The following MYO6 variants were observed in gnomAD, a reference collection of about 807,000 sequenced individuals.
MYO6 encodes unconventional myosin-VI.
A neutral mutation model predicts 178.7 loss-of-function variants in MYO6; 74 were observed. The observed-to-expected ratio is 0.41, with a 90% CI of 0.34 to 0.50. The LOEUF (loss-of-function observed/expected upper bound fraction) is 0.50, where lower values mean the gene tolerates loss of function less well. Among genes scored for constraint, MYO6 ranks in the 20% least tolerant of loss-of-function variants. The pLI is 0.09. For missense variants in MYO6, 1,330 were observed against 1,547.4 expected (o/e 0.86, Z 2.36); for synonymous variants, 477 against 504.6 (o/e 0.95, Z 0.73).
chr6:75,799,822 G>C lies in MYO6; in HGVS notation c.-47-17679G>C, dbSNP rs547109200. ...AACTTTACCCATGTTACAGTGCTTT[G>C]GGATAGAAGCATAGCACTGCTTCTC... On this transcript the variant is annotated intron_variant, in intron 1 of 34. Coordinates refer to ENST00000369977, the MANE Select transcript of MYO6 (RefSeq NM_004999.4). Among the ~76,000 whole-genome samples, 127 of 152,184 alleles carry C rather than the reference G, an allele frequency of 8.3e-4. 1 individual carries two copies. Among genetic ancestry groups the C allele is most frequent in the Non-Finnish European group, 1.4e-3 (95 of 68,006 alleles).
intron 1 of MYO6, among the ~76,000 whole-genome samples, chr6:75,766,143 C>A (rs138348866): frequency 6.6e-6 from 1 of 151,958 alleles, no homozygotes; most frequent in South Asian, 2.1e-4. Context: ...GCCAACATGG[C>A]GAAACCCCGT....
intron 23 of MYO6, 131 bp downstream of exon 23, chr6:75,881,949 C>T (rs1321908991): frequency 1.2e-5 from 12 of 1,021,054 alleles, no homozygotes; most frequent in Admixed American, 4.0e-5. Context: ...TCCCAGGTTC[C>T]TATTTGTAGA....
At chr6:75,912,882 A>T (rs1349249303) in intron 33 of MYO6, among the ~76,000 whole-genome samples, 2 of 152,154 alleles carry the variant, frequency 1.3e-5, no homozygotes, top group African/African-American at 4.8e-5. Context: ...CTTCATAGGG[A>T]TATATAGCTT....
chr6:75,804,629 T>C (rs144572973), intron 1 of MYO6, among the ~76,000 whole-genome samples: 1 of 152,180 alleles, frequency 6.6e-6, no homozygotes, highest in African/African-American at 2.4e-5. Context: ...AGATACCTTG[T>C]CTCTTTTTGC....
At chr6:75,835,849 A>T in intron 6 of MYO6, 52 bp from the exon 7 acceptor site, 1 of 1,030,954 alleles carries the variant, frequency 9.7e-7, no homozygotes, top group Non-Finnish European at 1.5e-6. Flanking sequence ...ATTATAAATT[A>T]TTGTACACCA....
At chr6:75,894,358 T>C (rs1362596633) in intron 28 of MYO6, among the ~76,000 whole-genome samples, 1 of 152,156 alleles carries the variant, frequency 6.6e-6, no homozygotes, top group Non-Finnish European at 1.5e-5. Flanking sequence ...TGAGGAGATA[T>C]TCAAACCCTT....
intron 1 of MYO6, among the ~76,000 whole-genome samples, chr6:75,808,170 C>G (rs1257269950): frequency 1.3e-5 from 2 of 152,174 alleles, no homozygotes; most frequent in Non-Finnish European, 2.9e-5. Flanking sequence ...GTAGACTGCT[C>G]AGGCTGCCGT....
intron 1 of MYO6, among the ~76,000 whole-genome samples, chr6:75,763,120 G>A (rs1199525189): frequency 6.6e-6 from 1 of 151,010 alleles, no homozygotes; most frequent in South Asian, 2.1e-4. Context: ...TCCACCGTCC[G>A]AGATCAAGCG....
chr6:75,761,626 C>CACACAG (rs1381359027), intron 1 of MYO6, among the ~76,000 whole-genome samples: 1 of 150,990 alleles, frequency 6.6e-6, no homozygotes, highest in African/African-American at 2.4e-5. Flanking sequence ...CACACACACA[C>CACACAG]AGACACATTT....
intron 1 of MYO6, among the ~76,000 whole-genome samples, chr6:75,765,860 C>T (rs1303920668): frequency 1.3e-5 from 2 of 151,972 alleles, no homozygotes; most frequent in African/African-American, 4.8e-5. Flanking sequence ...AACCTCTCTA[C>T]TAAGAATAAA....
intron 30 of MYO6, among the ~76,000 whole-genome samples, chr6:75,907,049 TG>T (rs1429305511): frequency 1.3e-5 from 2 of 152,178 alleles, no homozygotes; most frequent in Non-Finnish European, 2.9e-5. Flanking sequence ...TCTAATGCAG[TG>T]GGTTGCAGGT....
chr6:75,914,715 T>G lies in MYO6; in HGVS notation c.3659-98T>G. 4 of 1,184,716 alleles carry G rather than the reference T, an allele frequency of 3.4e-6. No individual in the cohort carries two copies. The South Asian group carries it at 3.9e-5, about 12-fold the overall frequency. The allele number at this position is 1,184,716 out of a possible 1,614,324, so 73.4% of individuals were successfully genotyped here. A position where few individuals can be genotyped will look rare whatever the true frequency, so the allele number is the denominator to read the frequency against. On this transcript the variant is annotated intron_variant, in intron 34 of 34. Coordinates refer to ENST00000369977, the MANE Select transcript of MYO6 (RefSeq NM_004999.4). ...TTAGAGAAAAAGTCTTAGGAAGTTT[T>G]CAAATCTATGAGAATTAATAGGTAT...
chr6:75,884,179 G>T (rs1778250665), intron 23 of MYO6, among the ~76,000 whole-genome samples: 1 of 152,102 alleles, frequency 6.6e-6, no homozygotes, highest in Non-Finnish European at 1.5e-5. Context: ...TTTGCAGAAT[G>T]TTAATAGGAA....
At chr6:75,851,245 A>G (rs925781498) in intron 11 of MYO6, among the ~76,000 whole-genome samples, 2 of 152,144 alleles carry the variant, frequency 1.3e-5, no homozygotes, top group African/African-American at 2.4e-5. Context: ...AGGTAATGCT[A>G]TTTGCGTTAT....
chr6:75,856,580 T>G (rs1054857388), intron 12 of MYO6, among the ~76,000 whole-genome samples: 12 of 152,000 alleles, frequency 7.9e-5, no homozygotes, highest in Non-Finnish European at 1.2e-4. Context: ...CCAGTCTCTC[T>G]TCATCAGACT....
intron 5 of MYO6, among the ~76,000 whole-genome samples, chr6:75,831,964 C>T (rs994258756): frequency 6.6e-6 from 1 of 151,858 alleles, no homozygotes; most frequent in African/African-American, 2.4e-5. Context: ...ATATGGTTTG[C>T]ATTCTCCCCT....
intron 1 of MYO6, among the ~76,000 whole-genome samples, chr6:75,813,381 C>A (rs550632873): frequency 6.6e-6 from 1 of 152,284 alleles, no homozygotes; most frequent in Non-Finnish European, 1.5e-5. Flanking sequence ...GTTCTCCAGT[C>A]AGTTCGTGGT....
At chr6:75,879,558 G>T (rs1041432898) in intron 20 of MYO6, among the ~76,000 whole-genome samples, 1 of 151,860 alleles carries the variant, frequency 6.6e-6, no homozygotes, top group Middle Eastern at 3.2e-3. Context: ...CACCCAGTTA[G>T]ACTTGATCTG....
chr6:75,888,059 G>C (rs868164828), intron 25 of MYO6, among the ~76,000 whole-genome samples: 1 of 151,890 alleles, frequency 6.6e-6, no homozygotes, highest in African/African-American at 2.4e-5. Flanking sequence ...GGAGGCCGAG[G>C]TGGGCGGATT....
Sources: allele counts gnomAD v4.1 joint callset (sites outside exome capture counted in the v4.1 genomes callset), GRCh38; gene constraint gnomAD v4.1.1; transcripts MANE v1.5; gene names NCBI Gene and HGNC (gene_info 2026-07-23, HGNC 2026-07-21).